The following ERC1 variants were observed in gnomAD, a reference collection of about 807,000 sequenced individuals.
ERC1 encodes the protein RAB6 interacting protein 2.
A neutral mutation model predicts 132.0 loss-of-function variants in ERC1; 56 were observed. The observed-to-expected ratio is 0.42, with a 90% CI of 0.34 to 0.53. The LOEUF (loss-of-function observed/expected upper bound fraction) is 0.53. Ranked by LOEUF, ERC1 falls within the 20% of genes least tolerant of loss-of-function variation. The pLI is 0.03. For missense variants in ERC1, 1,202 were observed against 1,349.9 expected (o/e 0.89, Z 1.72); for synonymous variants, 478 against 476.1 (o/e 1.00, Z -0.05).
intron 3 of ERC1, among the ~76,000 whole-genome samples, chr12:1,093,498 T>C (rs1943520030): frequency 6.6e-6 from 1 of 152,196 alleles, no homozygotes; most frequent in African/African-American, 2.4e-5. Context: ...TGTGGAATTT[T>C]TGGGTCTTCA....
At chr12:1,456,803 T>C (rs1423401032) in intron 18 of ERC1, among the ~76,000 whole-genome samples, 1 of 151,938 alleles carries the variant, frequency 6.6e-6, no homozygotes, top group Non-Finnish European at 1.5e-5. Context: ...GGGTGGCAGC[T>C]CTCAGAGAGG....
At chr12:1,451,894 C>T (rs1054894570) in intron 18 of ERC1, among the ~76,000 whole-genome samples, 4 of 152,066 alleles carry the variant, frequency 2.6e-5, no homozygotes, top group African/African-American at 9.7e-5. Flanking sequence ...TTAGGGTGAA[C>T]CCTAATCCAT....
In ERC1 at chr12:1,388,666, A is replaced by G. The variant is rs147076603; in HGVS notation, c.2925+16689A>G. Among the ~76,000 whole-genome samples the G allele has an allele frequency of 2.2e-3, 329 of 152,306 alleles. 5 individuals carry two copies. The highest frequency in any genetic ancestry group is 7.5e-3 in the African/African-American group (311 of 41,572). ...AGAGTTTTCTTTTATAGATAAATCA[A>G]TCACTCTGGCAGCTAATGGAGGAAG... On this transcript the variant is annotated intron_variant, in intron 16 of 18. Transcript: ENST00000360905.
intron 1 of ERC1, among the ~76,000 whole-genome samples, chr12:1,021,698 C>CA (rs1162694084): frequency 0.02 from 1,834 of 92,114 alleles, 15 homozygotes; most frequent in African/African-American, 0.052. Flanking sequence ...GACTCCGTCT[C>CA]AAAAAAAAAA....
intron 2 of ERC1, among the ~76,000 whole-genome samples, chr12:1,057,585 GTTTTTTT>G (rs59761885): frequency 2.1e-5 from 1 of 47,696 alleles, no homozygotes; most frequent in Non-Finnish European, 4.0e-5. Flanking sequence ...GATGCGCATG[GTTTTTTT>G]TTTTTTTTTT....
chr12:1,469,448 T>C (rs2093812271), intron 18 of ERC1, among the ~76,000 whole-genome samples: 1 of 152,226 alleles, frequency 6.6e-6, no homozygotes, highest in South Asian at 2.1e-4. Context: ...CCCACCGCCC[T>C]CTCCAGCTGT....
chr12:1,124,177 A>C (rs1370721217), intron 7 of ERC1, among the ~76,000 whole-genome samples: 1 of 152,204 alleles, frequency 6.6e-6, no homozygotes, highest in Non-Finnish European at 1.5e-5. Context: ...TAGAGAATAA[A>C]CAATATTTTC....
At chr12:1,151,752 C>CTT (rs34782897) in intron 8 of ERC1, 86,575 of 152,010 alleles carry the variant, frequency 0.57, 28,100 homozygotes, top group African/African-American at 0.89. Context: ...AACTGCCCAA[C>CTT]TTGGTGGATC....
At chr12:1,327,806 A>G (rs112916222) in intron 15 of ERC1, among the ~76,000 whole-genome samples, 5,259 of 152,052 alleles carry the variant, frequency 0.035, 97 homozygotes, top group Middle Eastern at 0.075. Context: ...TGAACATTCC[A>G]TAAACGACCT....
intron 17 of ERC1, among the ~76,000 whole-genome samples, chr12:1,415,745 A>C (rs1297005175): frequency 1.3e-5 from 2 of 152,222 alleles, no homozygotes; most frequent in African/African-American, 2.4e-5. Flanking sequence ...TTTTGATATG[A>C]CAGACAAGGA....
intron 2 of ERC1, among the ~76,000 whole-genome samples, chr12:1,049,127 G>GT (rs1003020865): frequency 6.6e-6 from 1 of 152,108 alleles, no homozygotes; most frequent in East Asian, 1.9e-4. Flanking sequence ...TAAGCAAATT[G>GT]TTTTTTTATG....
intron 12 of ERC1, among the ~76,000 whole-genome samples, chr12:1,199,667 A>G (rs764093799): frequency 2.3e-4 from 35 of 151,910 alleles, no homozygotes; most frequent in African/African-American, 8.0e-4. Context: ...AATCCCAGCT[A>G]TTTGGTAGGC....
intron 16 of ERC1, among the ~76,000 whole-genome samples, chr12:1,394,068 TTTCTG>T (rs1348233942): frequency 1.4e-5 from 2 of 143,698 alleles, no homozygotes; most frequent in East Asian, 4.1e-4. Context: ...AGCAATTTAA[TTTCTG>T]TATATTTAGT....
At chr12:1,062,285 T>C (rs769349445) in intron 2 of ERC1, among the ~76,000 whole-genome samples, 12 of 151,988 alleles carry the variant, frequency 7.9e-5, no homozygotes, top group Non-Finnish European at 1.2e-4. Flanking sequence ...CCCGGCCTTT[T>C]CTTTTCTTTT....
intron 3 of ERC1, among the ~76,000 whole-genome samples, chr12:1,091,464 G>A (rs998232837): frequency 1.3e-5 from 2 of 152,170 alleles, no homozygotes; most frequent in East Asian, 3.9e-4. Flanking sequence ...GGAAACAGGA[G>A]GGAGGCTGGA....
chr12:1,382,763 G>A (rs1377330790), intron 16 of ERC1, among the ~76,000 whole-genome samples: 3 of 152,154 alleles, frequency 2.0e-5, no homozygotes, highest in South Asian at 2.1e-4. Flanking sequence ...ATAAGAAAAC[G>A]TGTGTAAAGA....
chr12:1,060,457 G>A (rs192673543), intron 2 of ERC1, among the ~76,000 whole-genome samples: 143 of 152,020 alleles, frequency 9.4e-4, no homozygotes, highest in African/African-American at 3.1e-3. Context: ...ATAGTTTACT[G>A]AGAATGATGG....
chr12:1,342,244 C>T (rs1042584888), intron 15 of ERC1, among the ~76,000 whole-genome samples: 1 of 151,946 alleles, frequency 6.6e-6, no homozygotes, highest in Non-Finnish European at 1.5e-5. Context: ...GCTGGTGGAT[C>T]ACCTGAGGTC....
At chr12:1,190,654 G>T (rs138747318) in intron 12 of ERC1, among the ~76,000 whole-genome samples, 3 of 152,094 alleles carry the variant, frequency 2.0e-5, no homozygotes, top group African/African-American at 7.2e-5. Flanking sequence ...TAGGCAGACA[G>T]GTCTCCTATA....
Sources: allele counts gnomAD v4.1 joint callset (sites outside exome capture counted in the v4.1 genomes callset), GRCh38; gene constraint gnomAD v4.1.1; transcripts MANE v1.5; gene names NCBI Gene and HGNC (gene_info 2026-07-23, HGNC 2026-07-21).